The following DEFB131B variants were observed in gnomAD, a reference collection of about 807,000 sequenced individuals.
The protein encoded by DEFB131B is defensin beta 131B.
In DEFB131B, 2 loss-of-function variants were observed where a neutral mutation model predicts 2.1. The observed-to-expected ratio is 0.94, with a 90% CI of 0.38 to 2.95. DEFB131B has a LOEUF of 2.95. Among genes scored for constraint, DEFB131B ranks in the 30% most tolerant of loss-of-function variants. DEFB131B has a pLI of 0.09. For synonymous variants in DEFB131B, 26 were observed against 25.8 expected, an observed-to-expected ratio of 1.01 and a Z score of -0.03; for missense variants, 77 against 78.5, an observed-to-expected ratio of 0.98 and a Z score of 0.07.
chr11:71,882,030 C>CA (rs1952566786), intron 1 of DEFB131B, among the ~76,000 whole-genome samples: 1 of 151,136 alleles, frequency 6.6e-6, no homozygotes, highest in Non-Finnish European at 1.5e-5. Flanking sequence ...AAGATAAATA[C>CA]AAAAAATTTA....
intron 1 of DEFB131B, among the ~76,000 whole-genome samples, chr11:71,882,030 C>T (rs1320381131): frequency 6.6e-6 from 1 of 151,136 alleles, no homozygotes; most frequent in Admixed American, 6.6e-5. Flanking sequence ...AAGATAAATA[C>T]AAAAAATTTA....
At chr11:71,884,306 A>T in intron 1 of DEFB131B, 101 bp from the exon 2 acceptor site, 2 of 1,306,626 alleles carry the variant, frequency 1.5e-6, no homozygotes, top group Non-Finnish European at 2.0e-6. Flanking sequence ...TTTTTCTGGG[A>T]AAGTTCTGTA....
At chr11:71,882,995 A>T (rs1411488178) in intron 1 of DEFB131B, among the ~76,000 whole-genome samples, 1 of 152,228 alleles carries the variant, frequency 6.6e-6, no homozygotes, top group Non-Finnish European at 1.5e-5. Context: ...TCCCATTCAT[A>T]ATAGCAAGAA....
chr11:71,879,207 G>C (rs113878247), intron 1 of DEFB131B, among the ~76,000 whole-genome samples: 1 of 152,122 alleles, frequency 6.6e-6, no homozygotes, highest in Admixed American at 6.5e-5. Context: ...TCCAGGCAAG[G>C]ACCTAGCCTC....
At chr11:71,878,799 G>C (rs1952541055) in intron 1 of DEFB131B, among the ~76,000 whole-genome samples, 1 of 151,676 alleles carries the variant, frequency 6.6e-6, no homozygotes, top group Non-Finnish European at 1.5e-5. Context: ...CAGCCCGGTG[G>C]GGGCAACAGG....
At chr11:71,880,742 A>G (rs1434128482) in intron 1 of DEFB131B, among the ~76,000 whole-genome samples, 5 of 152,134 alleles carry the variant, frequency 3.3e-5, no homozygotes, top group African/African-American at 1.2e-4. Flanking sequence ...AACATTTGTT[A>G]TTTTCTTCTG....
chr11:71,881,483 T>G lies in DEFB131B; in HGVS notation c.59-2924T>G, dbSNP rs543853630. ...CATTTGGTTTCTCCTGAGGCCTGTC[T>G]TGGCTTGCAGCTGGTTGCCTTCTTG... On this transcript the variant is annotated intron_variant, in intron 1 of 1. Coordinates refer to ENST00000530210, the MANE Select transcript of DEFB131B (RefSeq NM_001242853.1). Among the ~76,000 whole-genome samples the G allele has an allele frequency of 3.9e-5, 6 of 152,322 alleles. No individual in the cohort carries two copies. In the South Asian group the frequency reaches 1.0e-3, roughly 26 times the overall value.
At chr11:71,882,364 T>C (rs1952572762) in intron 1 of DEFB131B, among the ~76,000 whole-genome samples, 1 of 152,020 alleles carries the variant, frequency 6.6e-6, no homozygotes, top group African/African-American at 2.4e-5. Context: ...CCAAGCAATC[T>C]CGTGCCTCAG....
chr11:71,879,990 A>C (rs1276631529), intron 1 of DEFB131B, among the ~76,000 whole-genome samples: 1 of 152,144 alleles, frequency 6.6e-6, no homozygotes, highest in Admixed American at 6.5e-5. Flanking sequence ...TAAATGGAAC[A>C]CTCTAAAGGA....
chr11:71,882,568 A>T (rs1590732559), intron 1 of DEFB131B, among the ~76,000 whole-genome samples: 1 of 152,218 alleles, frequency 6.6e-6, no homozygotes, highest in Admixed American at 6.5e-5. Flanking sequence ...TAATTTTCTT[A>T]GGTAACCAAA....
chr11:71,879,364 AAT>A, intron 1 of DEFB131B, among the ~76,000 whole-genome samples: 1 of 152,324 alleles, frequency 6.6e-6, no homozygotes, highest in Non-Finnish European at 1.5e-5. Context: ...TTAAATAATC[AAT>A]ATGACTTTCC....
chr11:71,878,619 C>A (rs1411601912), intron 1 of DEFB131B, 109 bp downstream of exon 1: 3 of 1,099,568 alleles, frequency 2.7e-6, no homozygotes, highest in Non-Finnish European at 3.9e-6. Context: ...TTTTACTGTA[C>A]CATGAAGGCT....
chr11:71,881,279 CT>C (rs1269762925), intron 1 of DEFB131B, among the ~76,000 whole-genome samples: 4 of 152,108 alleles, frequency 2.6e-5, no homozygotes, highest in African/African-American at 9.7e-5. Flanking sequence ...TTCTTTGTCT[CT>C]TTTTATGTTT....
At chr11:71,879,909 T>A (rs1952549522) in intron 1 of DEFB131B, among the ~76,000 whole-genome samples, 1 of 152,220 alleles carries the variant, frequency 6.6e-6, no homozygotes, top group Admixed American at 6.5e-5. Flanking sequence ...TGTTGTGGCA[T>A]AGATTCGTAC....
In DEFB131B at chr11:71,884,541, G is replaced by C; in HGVS notation, c.193G>C (p.Asp65His). 1 of 1,606,592 alleles carries C rather than the reference G, an allele frequency of 6.2e-7. No individual in the cohort carries two copies. The highest frequency in any genetic ancestry group is 2.2e-5 in the East Asian group (1 of 44,648). The change falls in exon 2 of 2, where the codon GAT (aspartate) becomes CAT (histidine). Residue 65 changes from aspartate (D) to histidine (H), a missense_variant. Asp to His is a moderately conservative substitution (Grantham distance 81, BLOSUM62 -1). Coordinates refer to ENST00000530210, the MANE Select transcript of DEFB131B (RefSeq NM_001242853.1). ...CTGCAAACTGAAGATCATTCAAATT[G>C]ATGGACAAAAGAAGTGGTGAAAATT... Reference protein sequence around the residue: ...ICCKLKIIQIDGQKKW With the variant: ...ICCKLKIIQIHGQKKW
At chr11:71,880,036 A>G (rs1201236048) in intron 1 of DEFB131B, among the ~76,000 whole-genome samples, 1 of 152,196 alleles carries the variant, frequency 6.6e-6, no homozygotes, top group Non-Finnish European at 1.5e-5. Flanking sequence ...CAATAAAAAT[A>G]TAAAACACCA....
chr11:71,882,102 A>G (rs1952567866), intron 1 of DEFB131B, among the ~76,000 whole-genome samples: 1 of 152,170 alleles, frequency 6.6e-6, no homozygotes, highest in East Asian at 1.9e-4. Context: ...TCTTAAAAGA[A>G]GCCAGGAGGG....
chr11:71,880,720 A>G (rs1315387015), intron 1 of DEFB131B, among the ~76,000 whole-genome samples: 3 of 152,050 alleles, frequency 2.0e-5, no homozygotes, highest in Admixed American at 2.0e-4. Context: ...TTCCATTTGC[A>G]TTTATTTCAA....
At chr11:71,878,645 G>A in intron 1 of DEFB131B, 135 bp downstream of exon 1, 1 of 875,778 alleles carries the variant, frequency 1.1e-6, no homozygotes, top group Non-Finnish European at 1.7e-6. Context: ...GAAGATTGAA[G>A]AGTTGATACT....
Sources: allele counts gnomAD v4.1 joint callset (sites outside exome capture counted in the v4.1 genomes callset), GRCh38; gene constraint gnomAD v4.1.1; transcripts MANE v1.5; gene names NCBI Gene and HGNC (gene_info 2026-07-23, HGNC 2026-07-21).